Variants in GALNTL6 observed in about 807,000 individuals in gnomAD.
GALNTL6 encodes polypeptide N-acetylgalactosaminyltransferase-like 6.
A neutral mutation model predicts 73.7 loss-of-function variants in GALNTL6; 46 were observed. That is an observed-to-expected ratio of 0.62 (90% CI 0.49 to 0.80). The LOEUF (loss-of-function observed/expected upper bound fraction) is 0.80, where lower values mean the gene tolerates loss of function less well. Ranked by LOEUF, GALNTL6 falls within the 30% of genes least tolerant of loss-of-function variation. The pLI is 0.00. For synonymous variants in GALNTL6, 259 were observed against 263.7 expected, an observed-to-expected ratio of 0.98 and a Z score of 0.17; for missense variants, 604 against 755.0, an observed-to-expected ratio of 0.80 and a Z score of 2.34.
At chr4:172,674,624 TTCCATAA>T in intron 5 of GALNTL6, among the ~76,000 whole-genome samples, 1 of 152,206 alleles carries the variant, frequency 6.6e-6, no homozygotes, top group East Asian at 1.9e-4. Flanking sequence ...TTTGATCTCT[TTCCATAA>T]TCCTATGTTT....
At chr4:172,385,272 C>T (rs935305095) in intron 5 of GALNTL6, among the ~76,000 whole-genome samples, 1 of 151,892 alleles carries the variant, frequency 6.6e-6, no homozygotes, top group Non-Finnish European at 1.5e-5. Context: ...ATTGCGTATT[C>T]TATAGATTAT....
intron 9 of GALNTL6, among the ~76,000 whole-genome samples, chr4:172,936,466 A>G (rs1748625745): frequency 6.6e-6 from 1 of 152,208 alleles, no homozygotes; most frequent in South Asian, 2.1e-4. Context: ...TCAAATAGGA[A>G]AAGAGGAAGT....
At chr4:172,148,568 T>A (rs1560942218) in intron 2 of GALNTL6, among the ~76,000 whole-genome samples, 1 of 152,218 alleles carries the variant, frequency 6.6e-6, no homozygotes, top group Admixed American at 6.5e-5. Context: ...ACAAGCCTTA[T>A]AACCTAGTAT....
At chr4:172,181,258 AG>A (rs1208653011) in intron 2 of GALNTL6, among the ~76,000 whole-genome samples, 3 of 152,194 alleles carry the variant, frequency 2.0e-5, no homozygotes, top group Admixed American at 2.0e-4. Context: ...CACATCAAAA[AG>A]TATATCCAGC....
chr4:172,760,436 T>A (rs76112109), intron 5 of GALNTL6, among the ~76,000 whole-genome samples: 14,529 of 152,180 alleles, frequency 0.095, 891 homozygotes, highest in East Asian at 0.21. Context: ...CTGAAATTTT[T>A]AAAAAATAGA....
At chr4:171,818,240 T>G (rs572891917) in intron 2 of GALNTL6, among the ~76,000 whole-genome samples, 1 of 151,926 alleles carries the variant, frequency 6.6e-6, no homozygotes, top group Admixed American at 6.6e-5. Flanking sequence ...TACTATATTT[T>G]AGAACAAAAC....
At chr4:172,760,967 A>G (rs979197264) in intron 5 of GALNTL6, among the ~76,000 whole-genome samples, 7 of 152,326 alleles carry the variant, frequency 4.6e-5, no homozygotes, top group African/African-American at 1.7e-4. Context: ...TGAGAGTAAG[A>G]AAAAGAGGCT....
intron 2 of GALNTL6, among the ~76,000 whole-genome samples, chr4:172,082,079 G>C (rs941368653): frequency 6.6e-6 from 1 of 151,990 alleles, no homozygotes; most frequent in African/African-American, 2.4e-5. Context: ...GTTTCACCAT[G>C]CTATCCAGGC....
intron 2 of GALNTL6, among the ~76,000 whole-genome samples, chr4:172,126,089 T>C (rs886929055): frequency 6.6e-6 from 1 of 152,150 alleles, no homozygotes; most frequent in African/African-American, 2.4e-5. Context: ...ACTGTGTCAC[T>C]TATCAGTATT....
Position 172,007,658 on chromosome 4 carries a change from A to AT in GALNTL6, c.138+192943dup, listed in dbSNP as rs1740879762. ...TCATCTTTTTAGTTCTCAGTTTAGA[A>AT]TTTGGACTAATTATTCAATTAAATT... On this transcript the variant is annotated intron_variant, in intron 2 of 12. Coordinates refer to ENST00000506823, the MANE Select transcript of GALNTL6 (RefSeq NM_001034845.3). Among the ~76,000 whole-genome samples, 3 of 152,264 alleles carry AT rather than the reference A, an allele frequency of 2.0e-5. No homozygotes were observed. In the South Asian group the frequency reaches 6.2e-4, roughly 32 times the overall value.
At chr4:171,974,059 G>A (rs1401204838) in intron 2 of GALNTL6, among the ~76,000 whole-genome samples, 1 of 151,984 alleles carries the variant, frequency 6.6e-6, no homozygotes, top group Admixed American at 6.6e-5. Context: ...GAGTGCAGTG[G>A]CGAGATCTCA....
intron 4 of GALNTL6, among the ~76,000 whole-genome samples, chr4:172,312,105 T>C (rs1472075930): frequency 2.0e-5 from 3 of 152,212 alleles, no homozygotes; most frequent in Non-Finnish European, 4.4e-5. Flanking sequence ...TGTCTACATG[T>C]GCATGTCTTC....
At chr4:172,990,413 G>C (rs541868482) in intron 10 of GALNTL6, among the ~76,000 whole-genome samples, 1 of 152,172 alleles carries the variant, frequency 6.6e-6, no homozygotes, top group South Asian at 2.1e-4. Flanking sequence ...CTGAAAAACA[G>C]AACAAAAAAG....
chr4:172,553,572 T>C (rs1410772114), intron 5 of GALNTL6, among the ~76,000 whole-genome samples: 2 of 152,172 alleles, frequency 1.3e-5, no homozygotes, highest in Non-Finnish European at 2.9e-5. Context: ...GTTAGTAATA[T>C]CATGTTCATA....
intron 5 of GALNTL6, among the ~76,000 whole-genome samples, chr4:172,592,945 C>A (rs568776797): frequency 6.6e-6 from 1 of 151,700 alleles, no homozygotes; most frequent in Non-Finnish European, 1.5e-5. Flanking sequence ...TTATGGCTAG[C>A]TTTTTTTTAT....
intron 5 of GALNTL6, among the ~76,000 whole-genome samples, chr4:172,465,600 C>T (rs887707715): frequency 1.3e-5 from 2 of 152,100 alleles, no homozygotes; most frequent in East Asian, 1.9e-4. Flanking sequence ...AGGTAGGAAT[C>T]CTGGCATGAA....
chr4:172,672,082 G>T (rs111742292), intron 5 of GALNTL6, among the ~76,000 whole-genome samples: 2,811 of 152,194 alleles, frequency 0.018, 81 homozygotes, highest in African/African-American at 0.063. Context: ...GTAGACATAG[G>T]GTTTCACCAT....
intron 7 of GALNTL6, among the ~76,000 whole-genome samples, chr4:172,859,824 C>T (rs560079166): frequency 1.6e-4 from 24 of 152,126 alleles, no homozygotes; most frequent in Non-Finnish European, 2.8e-4. Context: ...TTGTGAACTG[C>T]ACATTGAGGG....
intron 10 of GALNTL6, among the ~76,000 whole-genome samples, chr4:172,983,864 C>T (rs1751179202): frequency 6.6e-6 from 1 of 151,824 alleles, no homozygotes; most frequent in Admixed American, 6.6e-5. Flanking sequence ...AATGCCGAAG[C>T]TTATAAGAAC....
Sources: gnomAD v4.1 joint callset for allele counts (sites outside exome capture counted in the v4.1 genomes callset) on GRCh38, gnomAD v4.1.1 for gene constraint, MANE v1.5 for transcripts, NCBI Gene and HGNC (gene_info 2026-07-23, HGNC 2026-07-21) for gene names.